The following FAM149A variants were observed in gnomAD, a reference collection of about 807,000 sequenced individuals.
FAM149A encodes the protein family with sequence similarity 149 member A.
A neutral mutation model predicts 78.2 loss-of-function variants in FAM149A; 71 were observed. The observed-to-expected ratio is 0.91, with a 90% CI of 0.75 to 1.11. The LOEUF (loss-of-function observed/expected upper bound fraction) is 1.11. FAM149A is among the 50% of genes least tolerant of loss of function. The pLI, the probability that FAM149A is intolerant of heterozygous loss-of-function variation, is 0.00. For missense variants in FAM149A, 1,036 were observed against 971.0 expected, an observed-to-expected ratio of 1.07 and a Z score of -0.89; for synonymous variants, 446 against 410.5, an observed-to-expected ratio of 1.09 and a Z score of -1.04.
intron 1 of FAM149A, chr4:186,125,305 A>G (rs2099317842): frequency 3.0e-6 from 3 of 985,138 alleles, no homozygotes; most frequent in African/African-American, 1.7e-5. Flanking sequence ...TTCTCGAACC[A>G]TATCTTTCTC....
At chr4:186,123,961 C>T (rs1366854138) in intron 1 of FAM149A, 4 of 984,646 alleles carry the variant, frequency 4.1e-6, no homozygotes, top group African/African-American at 1.8e-5. Flanking sequence ...AAAAATTTGC[C>T]ATCTTAACTA....
chr4:186,109,488 C>G, intron 1 of FAM149A: 2 of 985,338 alleles, frequency 2.0e-6, no homozygotes, highest in Middle Eastern at 5.2e-4. Flanking sequence ...GACCCGGAAA[C>G]CAGACGAGGT....
chr4:186,136,238 A>G (rs867316588), intron 1 of FAM149A, among the ~76,000 whole-genome samples: 1 of 152,216 alleles, frequency 6.6e-6, no homozygotes, highest in Non-Finnish European at 1.5e-5. Flanking sequence ...AGTTATTTTT[A>G]TGTTGAAAGA....
chr4:186,167,315 T>C, intron 13 of FAM149A, 53 bp downstream of exon 13: 1 of 1,462,676 alleles, frequency 6.8e-7, no homozygotes, highest in South Asian at 1.1e-5. Flanking sequence ...AGATTTCAAG[T>C]TTCAGACAGT....
intron 13 of FAM149A, among the ~76,000 whole-genome samples, chr4:186,171,513 AG>A (rs1335746193): frequency 1.3e-5 from 2 of 152,180 alleles, no homozygotes; most frequent in African/African-American, 2.4e-5. Context: ...TTTCTGTGAT[AG>A]AAAAAAAAAG....
Position 186,134,833 on chromosome 4 carries a change from C to T in FAM149A, c.567-14340C>T, listed in dbSNP as rs115030695. ...ACCTCGCTTTTTCTTCTCTGGAATA[C>T]GAAGGCTTTCATTAGTTCCTCTACT... On this transcript the variant is annotated intron_variant, in intron 1 of 13. Transcript: ENST00000389354. 6.1e-3 allele frequency among the ~76,000 whole-genome samples: 927 copies of T among 152,218 alleles called. 8 individuals carry two copies. The highest frequency in any genetic ancestry group is 0.01 in the Non-Finnish European group (692 of 68,014).
At chr4:186,123,466 CT>C in intron 1 of FAM149A, 3 of 733,544 alleles carry the variant, frequency 4.1e-6, no homozygotes, top group Non-Finnish European at 5.0e-6. Context: ...CCCTTCATGG[CT>C]CTTTATTAAT....
intron 5 of FAM149A, 81 bp downstream of exon 5, chr4:186,153,851 G>A: frequency 2.0e-6 from 3 of 1,470,650 alleles, no homozygotes. Flanking sequence ...TCATCTATAA[G>A]CCTTGGCTCC....
At chr4:186,150,614 T>C (rs1270981210) in intron 3 of FAM149A, among the ~76,000 whole-genome samples, 2 of 139,030 alleles carry the variant, frequency 1.4e-5, no homozygotes, top group African/African-American at 5.4e-5. Context: ...AGAGACGGGG[T>C]TTCACCGTGT....
At chr4:186,161,870 T>C (rs1470288799) in intron 8 of FAM149A, among the ~76,000 whole-genome samples, 1 of 152,218 alleles carries the variant, frequency 6.6e-6, no homozygotes, top group East Asian at 1.9e-4. Context: ...GTCCCAGAAA[T>C]CCTGTTCTCC....
In FAM149A at chr4:186,144,056, T is replaced by C. The variant is rs1449812334; in HGVS notation, c.567-5117T>C. On this transcript the variant is annotated intron_variant, in intron 1 of 13. Transcript: ENST00000389354. This position sits in a 1 kb window ranked among gnomAD's most constrained non-coding sequence, Gnocchi z 4.2. ...AGTGTTGTACCGGCACCCAGTGCAC[T>C]AACTGTCATTACTAAAATCCCTGTC... 1.3e-5 allele frequency: 2 copies of C among 152,222 alleles called. No homozygotes were observed. Among genetic ancestry groups the C allele is most frequent in the African/African-American group, 4.8e-5 (2 of 41,456 alleles). 9.4% of individuals were successfully genotyped at this position (152,222 alleles called of 1,614,324 possible).
rs114185556 is a variant in FAM149A, at chr4:186,163,667, C to T, written c.1889+34C>T. 2,303 of 1,493,764 alleles carry T rather than the reference C, an allele frequency of 1.5e-3. 35 individuals carry two copies. In the African/African-American group the frequency reaches 0.028, roughly 18 times the overall value. 92.5% of individuals were successfully genotyped at this position (1,493,764 alleles called of 1,614,324 possible). On this transcript the variant is annotated intron_variant, in intron 10 of 13. Coordinates refer to ENST00000389354, the MANE Select transcript of FAM149A (RefSeq NM_001367768.3). ...CATTTCTTTCATAGTAAACTAAAGGCCACGGAGGACCTAGATGCTTCTCAG... is the reference window on the plus strand; with the variant it reads ...CATTTCTTTCATAGTAAACTAAAGGTCACGGAGGACCTAGATGCTTCTCAG...
chr4:186,105,477 G>A lies in FAM149A; in HGVS notation c.401G>A (p.Gly134Asp). 1 of 1,213,174 alleles carries A rather than the reference G, an allele frequency of 8.2e-7. No individual in the cohort carries two copies. The highest frequency in any genetic ancestry group is 1.4e-5 in the South Asian group (1 of 70,752). 75.2% of individuals were successfully genotyped at this position (1,213,174 alleles called of 1,614,324 possible). A position where few individuals can be genotyped will look rare whatever the true frequency, so the allele number is the denominator to read the frequency against. The change falls in exon 1 of 14, where the codon GGC becomes GAC. Residue 134 changes from glycine to aspartate, a missense_variant. Around this residue, in one of 3 missense-constraint regions of FAM149A, gnomAD observed 316 missense variants for 241.9 expected, o/e 1.31. Transcript: ENST00000389354. ...CCAGCGCGGCCGCCCTCGGGCCCCG[G>A]CGGGGTCTGGGCCGCGCTCCCCAGG...
intron 4 of FAM149A, among the ~76,000 whole-genome samples, chr4:186,153,080 G>T (rs1376589366): frequency 6.7e-6 from 1 of 150,230 alleles, no homozygotes; most frequent in Non-Finnish European, 1.5e-5. Context: ...AGTATGATAT[G>T]TCCACTAGAT....
chr4:186,165,408 C>A lies in FAM149A; in HGVS notation c.1954C>A (p.Leu652Ile), dbSNP rs61155675. 0.045 allele frequency: 72,271 copies of A among 1,614,036 alleles called. 1,987 individuals are homozygous for A. Among genetic ancestry groups the A allele is most frequent in the Admixed American group, 0.094 (5,659 of 60,022 alleles). Residue 652 changes from leucine to isoleucine, a missense_variant, in exon 11 of 14, where the codon CTA becomes ATA. This residue lies in a region of FAM149A where 716 missense variants were observed against 711.8 expected (regional missense o/e 1.01). Transcript: ENST00000389354. The stretch of plus-strand genomic sequence containing the variant: ...AACGTCACGGAGCAGGTTCCCCCCG[C>A]TAGTCACGGAGACCAGGGGGCAGAA...
rs769592192 is a variant in FAM149A at position 186,160,093 on chromosome 4, ATACACAC to A, written c.1575+2382_1575+2388del. Among the ~76,000 whole-genome samples the A allele has an allele frequency of 7.3e-3, 940 of 128,750 alleles. 11 individuals carry two copies. Among genetic ancestry groups the A allele is most frequent in the African/African-American group, 0.027 (892 of 33,410 alleles). The allele number at this position is 128,750 out of a possible 152,430, so 84.5% of individuals were successfully genotyped here. On this transcript the variant is annotated intron_variant, in intron 8 of 13. Transcript: ENST00000389354. ...ACACCACACACCAAACACATACCAC[ATACACAC>A]TACACACACCACGCACACACACCAC...
Position 186,135,139 on chromosome 4 carries a change from G to A in FAM149A, c.567-14034G>A, listed in dbSNP as rs141741421. Among the ~76,000 whole-genome samples, 9 of 152,302 alleles carry A rather than the reference G, an allele frequency of 5.9e-5. No homozygotes were observed. In the East Asian group the frequency reaches 1.7e-3, roughly 29 times the overall value. ...TTACGAGCTCTCTGGTGATCCTGCTGCATGTTACAATTTGAGAACCACTGA... is the reference window on the plus strand; with the variant it reads ...TTACGAGCTCTCTGGTGATCCTGCTACATGTTACAATTTGAGAACCACTGA... On this transcript the variant is annotated intron_variant, in intron 1 of 13. Coordinates refer to ENST00000389354, the MANE Select transcript of FAM149A (RefSeq NM_001367768.3).
intron 1 of FAM149A, among the ~76,000 whole-genome samples, chr4:186,121,716 G>A (rs1200560780): frequency 2.0e-5 from 3 of 152,190 alleles, no homozygotes; most frequent in East Asian, 1.9e-4. Flanking sequence ...GACTGAAAAC[G>A]ATGAGTGTGG....
Position 186,105,066 on chromosome 4 carries a change from A to G in FAM149A, c.-11A>G. The G allele has an allele frequency of 7.9e-7, 1 of 1,268,140 alleles. No homozygotes were observed. The highest frequency in any genetic ancestry group is 1.0e-6 in the Non-Finnish European group (1 of 979,580). 78.6% of individuals were successfully genotyped at this position (1,268,140 alleles called of 1,614,324 possible). On this transcript the variant is annotated 5_prime_UTR_variant, in exon 1 of 14. Coordinates refer to ENST00000389354, the MANE Select transcript of FAM149A (RefSeq NM_001367768.3). ...GGGCGGCGGCGAGGACGGCGTGTCC[A>G]CTGTCGAGGCATGAAGGCTGCTGTG... is the stretch of plus-strand genomic sequence containing the variant.
Sources: gnomAD v4.1 joint callset for allele counts (sites outside exome capture counted in the v4.1 genomes callset) on GRCh38, gnomAD v4.1.1 for gene constraint, gnomAD v4.1.1 regional missense constraint, Gnocchi (gnomAD v3.1) non-coding constraint, MANE v1.5 for transcripts, NCBI Gene and HGNC (gene_info 2026-07-23, HGNC 2026-07-21) for gene names.